STK38L: variants seen among roughly 807,000 people sequenced by gnomAD.
STK38L encodes serine/threonine-protein kinase 38-like.
In STK38L, 28 loss-of-function variants were observed where a neutral mutation model predicts 59.7. The ratio of observed to expected loss-of-function variants is 0.47; its 90% CI spans 0.35 to 0.64. The LOEUF is 0.64. Ranked by LOEUF, STK38L falls within the 30% of genes least tolerant of loss-of-function variation. STK38L has a pLI of 0.01. For missense variants in STK38L, 314 were observed against 555.8 expected, an observed-to-expected ratio of 0.56 and a Z score of 4.37; for synonymous variants, 162 against 176.8, an observed-to-expected ratio of 0.92 and a Z score of 0.66.
At chr12:27,261,806 A>G (rs1007465464) in intron 1 of STK38L, among the ~76,000 whole-genome samples, 2 of 152,242 alleles carry the variant, frequency 1.3e-5, no homozygotes, top group Admixed American at 6.5e-5. Flanking sequence ...TTCTTGAGTC[A>G]TTAATCCTTG....
chr12:27,283,256 CTA>C (rs1000514392), intron 1 of STK38L, among the ~76,000 whole-genome samples: 7 of 152,218 alleles, frequency 4.6e-5, no homozygotes, highest in South Asian at 2.1e-4. Flanking sequence ...TGTATTGAGA[CTA>C]TGTGTGTGTG....
intron 3 of STK38L, among the ~76,000 whole-genome samples, chr12:27,303,930 C>A (rs779908515): frequency 1.3e-5 from 2 of 152,092 alleles, no homozygotes; most frequent in Non-Finnish European, 2.9e-5. Flanking sequence ...AAAAGGTATA[C>A]TTTAGTACTA....
At position 27,312,535 on chromosome 12, in the gene STK38L, A is replaced by G; in HGVS notation, c.394-14A>G. 1 of 1,608,878 alleles carries G rather than the reference A, an allele frequency of 6.2e-7. No homozygotes were observed. The highest frequency in any genetic ancestry group is 8.5e-7 in the Non-Finnish European group (1 of 1,178,728). On this transcript the variant is annotated splice_polypyrimidine_tract_variant and intron_variant, in intron 5 of 13. Coordinates refer to ENST00000389032, the MANE Select transcript of STK38L (RefSeq NM_015000.4). ...GTATTTACAATTATTTTTTTCAAAA[A>G]TATATTCATCTAGGTGGCCCATATC...
chr12:27,316,727 T>A (rs1944594064), intron 9 of STK38L, among the ~76,000 whole-genome samples: 1 of 152,260 alleles, frequency 6.6e-6, no homozygotes, highest in Non-Finnish European at 1.5e-5. Flanking sequence ...TCCTAAAGGA[T>A]AAGCAGTACC....
At chr12:27,247,334 C>G (rs1942876301) in intron 1 of STK38L, among the ~76,000 whole-genome samples, 1 of 152,216 alleles carries the variant, frequency 6.6e-6, no homozygotes, top group South Asian at 2.1e-4. Flanking sequence ...GCATGCTTAA[C>G]TGCAATCCAT....
chr12:27,259,099 A>G (rs1051024029), intron 1 of STK38L, among the ~76,000 whole-genome samples: 1 of 152,178 alleles, frequency 6.6e-6, no homozygotes, highest in African/African-American at 2.4e-5. Context: ...CTGAACCTAC[A>G]CTGATTCTCA....
At position 27,303,645 on chromosome 12, in the gene STK38L, G is replaced by A. The variant is rs146675129; in HGVS notation, c.186+1457G>A. Among the ~76,000 whole-genome samples the A allele has an allele frequency of 1.4e-4, 22 of 152,272 alleles. No homozygotes were observed. The Middle Eastern group carries it at 0.014, about 94-fold the overall frequency. ...AGTGAGTGTGTGTGTGTAAAAATAT[G>A]TACGCATGATAGAATGTGGTGAACG... is the stretch of plus-strand genomic sequence containing the variant. On this transcript the variant is annotated intron_variant, in intron 3 of 13. Coordinates refer to ENST00000389032, the MANE Select transcript of STK38L (RefSeq NM_015000.4).
At chr12:27,281,800 C>A (rs1385968545) in intron 1 of STK38L, among the ~76,000 whole-genome samples, 1 of 151,952 alleles carries the variant, frequency 6.6e-6, no homozygotes, top group South Asian at 2.1e-4. Flanking sequence ...TTTGGGAGGC[C>A]GAGACGGGTG....
At chr12:27,289,357 A>G (rs568418481) in intron 1 of STK38L, among the ~76,000 whole-genome samples, 3 of 151,536 alleles carry the variant, frequency 2.0e-5, no homozygotes, top group African/African-American at 7.3e-5. Context: ...TGCAAGTTTT[A>G]AAAAAAAATG....
chr12:27,273,722 G>A (rs559163985), intron 1 of STK38L, among the ~76,000 whole-genome samples: 2 of 152,140 alleles, frequency 1.3e-5, no homozygotes, highest in African/African-American at 4.8e-5. Context: ...GGAAGTATAA[G>A]GAGGTAATGG....
At chr12:27,269,361 C>A (rs1375677264) in intron 1 of STK38L, among the ~76,000 whole-genome samples, 1 of 152,268 alleles carries the variant, frequency 6.6e-6, no homozygotes, top group African/African-American at 2.4e-5. Flanking sequence ...TTCCCAGCAC[C>A]ATTTATTAAA....
In STK38L at chr12:27,317,894, A is replaced by G; in HGVS notation, c.956-2A>G. The G allele has an allele frequency of 6.2e-7, 1 of 1,613,184 alleles. No individual in the cohort carries two copies. Among genetic ancestry groups the G allele is most frequent in the Non-Finnish European group, 8.5e-7 (1 of 1,179,728 alleles). On this transcript the variant is annotated splice_acceptor_variant, in intron 10 of 13. Coordinates refer to ENST00000389032, the MANE Select transcript of STK38L (RefSeq NM_015000.4). LOFTEE classifies it high-confidence loss of function. The stretch of plus-strand genomic sequence containing the variant: ...AACATTTTTGATTTATTTGATACAT[A>G]GGATATCCACCTTTCTGCTCTGAAA...
chr12:27,266,450 A>C (rs1377625120), intron 1 of STK38L, among the ~76,000 whole-genome samples: 1 of 152,220 alleles, frequency 6.6e-6, no homozygotes, highest in Non-Finnish European at 1.5e-5. Context: ...AGTAACATCT[A>C]AGACCCTCTC....
chr12:27,269,616 A>G (rs866248117), intron 1 of STK38L, among the ~76,000 whole-genome samples: 3 of 152,164 alleles, frequency 2.0e-5, no homozygotes, highest in East Asian at 1.9e-4. Context: ...CATGTTGCAT[A>G]TGTTCTGTGT....
At chr12:27,276,262 T>A (rs1322692267) in intron 1 of STK38L, among the ~76,000 whole-genome samples, 1 of 152,190 alleles carries the variant, frequency 6.6e-6, no homozygotes, top group Non-Finnish European at 1.5e-5. Context: ...ATCCTTGATG[T>A]TGTATGATTT....
chr12:27,279,697 T>A (rs981835387), intron 1 of STK38L, among the ~76,000 whole-genome samples: 12 of 150,982 alleles, frequency 7.9e-5, no homozygotes, highest in African/African-American at 2.9e-4. Flanking sequence ...AATTTTTTTT[T>A]TTTTTTTTGC....
chr12:27,277,958 G>A lies in STK38L; in HGVS notation c.-11-19752G>A, dbSNP rs1463022303. 2.0e-5 allele frequency among the ~76,000 whole-genome samples: 3 copies of A among 152,162 alleles called. No homozygotes were observed. The South Asian group carries it at 6.2e-4, about 32-fold the overall frequency. ...TTTCCGTGATGTCAGGAAACTGGGT[G>A]GAGTTTTTATGGATGCAAGTCCAGT... On this transcript the variant is annotated intron_variant, in intron 1 of 13. Coordinates refer to ENST00000389032, the MANE Select transcript of STK38L (RefSeq NM_015000.4).
At chr12:27,284,880 G>A (rs1053908187) in intron 1 of STK38L, among the ~76,000 whole-genome samples, 2 of 152,182 alleles carry the variant, frequency 1.3e-5, no homozygotes, top group African/African-American at 4.8e-5. Flanking sequence ...TGGGATGGAT[G>A]CCTTCTGTTT....
intron 3 of STK38L, among the ~76,000 whole-genome samples, chr12:27,304,475 G>A (rs908036798): frequency 2.6e-5 from 4 of 151,940 alleles, no homozygotes; most frequent in African/African-American, 9.7e-5. Flanking sequence ...AGAAAACTCA[G>A]ATGTTTTTAC....
Sources: allele counts gnomAD v4.1 joint callset (sites outside exome capture counted in the v4.1 genomes callset), GRCh38; gene constraint gnomAD v4.1.1; transcripts MANE v1.5; gene names NCBI Gene and HGNC (gene_info 2026-07-23, HGNC 2026-07-21).